The following ZNF462 variants were observed in gnomAD, a reference collection of about 807,000 sequenced individuals.
ZNF462 encodes zinc finger PBX1-interacting protein.
ZNF462 carries 10 observed loss-of-function variants against 201.9 expected under a neutral mutation model. That is an observed-to-expected ratio of 0.05 (90% confidence interval 0.03 to 0.08). The LOEUF (loss-of-function observed/expected upper bound fraction) is 0.08, where lower values mean the gene tolerates loss of function less well. Ranked by LOEUF, ZNF462 falls within the 10% of genes least tolerant of loss-of-function variation. The pLI, the probability that ZNF462 is intolerant of heterozygous loss-of-function variation, is 1.00. For synonymous variants in ZNF462, 1,227 were observed against 1,193.3 expected, an observed-to-expected ratio of 1.03 and a Z score of -0.58; for missense variants, 2,523 against 3,168.3, an observed-to-expected ratio of 0.80 and a Z score of 4.89.
chr9:107,001,945 T>C (rs1829217624), intron 10 of ZNF462, among the ~76,000 whole-genome samples: 1 of 152,140 alleles, frequency 6.6e-6, no homozygotes, highest in Non-Finnish European at 1.5e-5. Flanking sequence ...TCCTCCTGAA[T>C]GCTACCTATC....
rs143171269 is a variant in ZNF462, at chr9:106,916,063, C to T, written c.-30-7291C>T. On this transcript the variant is annotated intron_variant, in intron 1 of 12. Coordinates refer to ENST00000277225, the MANE Select transcript of ZNF462 (RefSeq NM_021224.6). ...CAGGGAGATTAGATTGAGATTTTCCCCCAGATAAAAGAAGTTATTTCAGCA... is the reference window on the plus strand; with the variant it reads ...CAGGGAGATTAGATTGAGATTTTCCTCCAGATAAAAGAAGTTATTTCAGCA... Among the ~76,000 whole-genome samples the T allele has an allele frequency of 5.5e-3, 841 of 152,240 alleles. 4 individuals carry two copies. The highest frequency in any genetic ancestry group is 7.1e-3 in the Non-Finnish European group (480 of 68,030).
upstream of ZNF462, among the ~76,000 whole-genome samples, chr9:106,860,730 C>G (rs868431069): frequency 1.3e-5 from 2 of 152,292 alleles, no homozygotes; most frequent in African/African-American, 4.8e-5. This position sits in a 1 kb window ranked among gnomAD's most constrained non-coding sequence, Gnocchi z 7.1. Flanking sequence ...CGGCGGAGAC[C>G]TGGCGCGCTT....
chr9:106,905,387 G>T lies in ZNF462; in HGVS notation c.-30-17967G>T, dbSNP rs72741794. ...TTTGGTGATTTAATGGTCTATTTTTGTGCTCATTGGCCTCCTGCCAGGAGG... is the reference window on the plus strand; with the variant it reads ...TTTGGTGATTTAATGGTCTATTTTTTTGCTCATTGGCCTCCTGCCAGGAGG... On this transcript the variant is annotated intron_variant, in intron 1 of 12. Coordinates refer to ENST00000277225, the MANE Select transcript of ZNF462 (RefSeq NM_021224.6). The surrounding 1 kb of genome is among the most constrained non-coding windows in gnomAD (Gnocchi z 5.9). Among the ~76,000 whole-genome samples the T allele has an allele frequency of 0.024, 3,618 of 152,214 alleles. 63 individuals are homozygous for T. The highest frequency in any genetic ancestry group is 0.034 in the Non-Finnish European group (2,278 of 67,992).
At chr9:106,947,429 G>GT (rs1223131766) in intron 7 of ZNF462, among the ~76,000 whole-genome samples, 1 of 152,146 alleles carries the variant, frequency 6.6e-6, no homozygotes, top group Non-Finnish European at 1.5e-5. Context: ...AGAGATGCAG[G>GT]ACCTTCTAAA....
chr9:106,977,511 A>G lies in ZNF462; in HGVS notation c.6832+3238A>G, dbSNP rs189434670. Among the ~76,000 whole-genome samples the G allele has an allele frequency of 6.6e-6, 1 of 151,780 alleles. No individual in the cohort carries two copies. Among genetic ancestry groups the G allele is most frequent in the Admixed American group, 6.5e-5 (1 of 15,290 alleles). ...TCGCTCATGGGAAATCTGAATATGA[A>G]CTAATCAGGGATTTATGTTGGCCAC... On this transcript the variant is annotated intron_variant, in intron 9 of 12. Transcript: ENST00000277225. This position sits in a 1 kb window ranked among gnomAD's most constrained non-coding sequence, Gnocchi z 4.6.
chr9:106,984,261 A>G lies in ZNF462; in HGVS notation c.6908A>G (p.Asp2303Gly), dbSNP rs760663129. 5 of 1,614,122 alleles carry G rather than the reference A, an allele frequency of 3.1e-6. No homozygotes were observed. In the Admixed American group the frequency reaches 5.0e-5, roughly 16 times the overall value. Residue 2303 changes from aspartate (D) to glycine (G), a missense_variant, in exon 10 of 13, where the codon GAT becomes GGT. Asp to Gly is a moderately conservative substitution (Grantham distance 94, BLOSUM62 -1). Around this residue, in one of 15 missense-constraint regions of ZNF462, gnomAD observed 228 missense variants for 361.2 expected, o/e 0.63. Coordinates refer to ENST00000277225, the MANE Select transcript of ZNF462 (RefSeq NM_021224.6). This position sits in a 1 kb window ranked among gnomAD's most constrained non-coding sequence, Gnocchi z 6.4. ...TTGCAGGGAGTAGTTTTCCGCTGTGATAAGTGTACCTTCACCTGCTCCAGT... is the reference window on the plus strand; with the variant it reads ...TTGCAGGGAGTAGTTTTCCGCTGTGGTAAGTGTACCTTCACCTGCTCCAGT... ...KYLQGVVFRC[D>G]KCTFTCSSDE...
chr9:106,864,115 T>TCTCTCACTCA (rs1827214692), intron 1 of ZNF462, among the ~76,000 whole-genome samples: 1 of 115,542 alleles, frequency 8.7e-6, no homozygotes, highest in East Asian at 2.8e-4. Flanking sequence ...TCTCTCCCTC[T>TCTCTCACTCA]CCCCGAAGTT....
intron 4 of ZNF462, chr9:106,931,137 C>T (rs1352005967): frequency 1.9e-5 from 3 of 158,000 alleles, no homozygotes. Context: ...ATCTCTTTGT[C>T]TTCTTATCCT....
intron 1 of ZNF462, among the ~76,000 whole-genome samples, chr9:106,908,232 A>G (rs1305337058): frequency 1.3e-5 from 2 of 152,250 alleles, no homozygotes; most frequent in South Asian, 2.1e-4. Context: ...ACTCAGTTCT[A>G]TGAATTACAT....
chr9:106,944,822 C>T (rs1474997639), intron 7 of ZNF462, among the ~76,000 whole-genome samples: 4 of 152,086 alleles, frequency 2.6e-5, no homozygotes, highest in Admixed American at 6.6e-5. Flanking sequence ...CTTTCTGTGC[C>T]GGCTTATTGG....
Position 106,972,102 on chromosome 9 carries a change from T to A in ZNF462, c.6525T>A (p.Pro2175=), listed in dbSNP as rs1826651004. The change falls in exon 8 of 13, where the codon CCT becomes CCA. Residue 2175 remains proline, a synonymous_variant. Transcript: ENST00000277225. The surrounding 1 kb of genome is among the most constrained non-coding windows in gnomAD (Gnocchi z 4.8). ...ARNNSRVSPV[P]LSGAAAGTEQ... ...ACAACAGCCGTGTTAGCCCTGTGCC[T>A]CTTTCTGGGGCTGCTGCTGGCACTG... 1.9e-6 allele frequency: 3 copies of A among 1,614,054 alleles called. 1 individual carries two copies. Among genetic ancestry groups the A allele is most frequent in the South Asian group, 2.2e-5 (2 of 91,086 alleles).
chr9:107,001,029 GT>G (rs1360917238), intron 10 of ZNF462, among the ~76,000 whole-genome samples: 1 of 152,116 alleles, frequency 6.6e-6, no homozygotes, highest in Non-Finnish European at 1.5e-5. Context: ...TGGTTTCATT[GT>G]TTTTGTTTCC....
At position 106,923,724 on chromosome 9, in the gene ZNF462, ATTT is replaced by A; in HGVS notation, c.220+124_220+126del. 1 of 1,014,664 alleles carries A rather than the reference ATTT, an allele frequency of 9.9e-7. No individual in the cohort carries two copies. Among genetic ancestry groups the A allele is most frequent in the South Asian group, 1.6e-5 (1 of 61,736 alleles). The allele number at this position is 1,014,664 out of a possible 1,614,324, so 62.9% of individuals were successfully genotyped here. On this transcript the variant is annotated intron_variant, in intron 2 of 12. Coordinates refer to ENST00000277225, the MANE Select transcript of ZNF462 (RefSeq NM_021224.6). The surrounding 1 kb of genome is among the most constrained non-coding windows in gnomAD (Gnocchi z 5.6). ...CAGAGTTTCTTGTGCTTTGCTAGCC[ATTT>A]TTGTGGTTTGGGCATCATGTATCTC...
At chr9:106,915,009 A>AC (rs1222008331) in intron 1 of ZNF462, among the ~76,000 whole-genome samples, 1 of 152,158 alleles carries the variant, frequency 6.6e-6, no homozygotes, top group Non-Finnish European at 1.5e-5. Flanking sequence ...ATCTTGTAAA[A>AC]CAGGTCCTTT....
intron 1 of ZNF462, among the ~76,000 whole-genome samples, chr9:106,887,793 G>A (rs1222495460): frequency 6.6e-6 from 1 of 152,186 alleles, no homozygotes. Context: ...ATGAAACTGT[G>A]ATTAAAAAGG....
Position 106,883,558 on chromosome 9 carries a change from G to C in ZNF462, c.-31+20203G>C, listed in dbSNP as rs1828193672. On this transcript the variant is annotated intron_variant, in intron 1 of 12. Coordinates refer to ENST00000277225, the MANE Select transcript of ZNF462 (RefSeq NM_021224.6). This position sits in a 1 kb window ranked among gnomAD's most constrained non-coding sequence, Gnocchi z 4.9. ...GTCATTAGTTCATTTTTCAGTGAAT[G>C]CTAGGCCAAGGTTAGTGTTGAAGTA... is the stretch of plus-strand genomic sequence containing the variant. 6.6e-6 allele frequency among the ~76,000 whole-genome samples: 1 copy of C among 152,216 alleles called. No homozygotes were observed. The highest frequency in any genetic ancestry group is 2.1e-4 in the South Asian group (1 of 4,834).
intron 1 of ZNF462, among the ~76,000 whole-genome samples, chr9:106,864,119 C>A (rs1461066275): frequency 8.8e-6 from 1 of 113,696 alleles, no homozygotes; most frequent in Non-Finnish European, 1.8e-5. Context: ...TCCCTCTCCC[C>A]GAAGTTGGGA....
In ZNF462 at chr9:106,935,779, A is replaced by G. The variant is rs536091603; in HGVS notation, c.6235+158A>G. On this transcript the variant is annotated intron_variant, in intron 6 of 12. Coordinates refer to ENST00000277225, the MANE Select transcript of ZNF462 (RefSeq NM_021224.6). The surrounding 1 kb of genome is among the most constrained non-coding windows in gnomAD (Gnocchi z 4.1). ...TTTATTTTTACCTAGTAAAGAAAAA[A>G]TAAAGAAAAAAGTAAAAGTTAAACA... is the stretch of plus-strand genomic sequence containing the variant. Among the ~76,000 whole-genome samples the G allele has an allele frequency of 6.6e-6, 1 of 152,360 alleles. No homozygotes were observed. Among genetic ancestry groups the G allele is most frequent in the Admixed American group, 6.5e-5 (1 of 15,308 alleles).
chr9:106,973,995 A>G (rs1463396919), intron 8 of ZNF462, 142 bp from the exon 9 acceptor site: 3 of 1,119,208 alleles, frequency 2.7e-6, no homozygotes, highest in East Asian at 4.7e-5. Context: ...GTGGTCAACA[A>G]ACATGATGAA....
Sources: gnomAD v4.1 joint callset for allele counts (sites outside exome capture counted in the v4.1 genomes callset) on GRCh38, gnomAD v4.1.1 for gene constraint, gnomAD v4.1.1 regional missense constraint, Gnocchi (gnomAD v3.1) non-coding constraint, MANE v1.5 for transcripts, NCBI Gene and HGNC (gene_info 2026-07-23, HGNC 2026-07-21) for gene names.